The following DENND6B variants were observed in gnomAD, a reference collection of about 807,000 sequenced individuals.
The protein encoded by DENND6B is DENN domain containing 6B.
In DENND6B, 73 loss-of-function variants were observed where a neutral mutation model predicts 85.1. That is an observed-to-expected ratio of 0.86 (90% confidence interval 0.71 to 1.04). The LOEUF is 1.04. DENND6B is among the 50% of genes least tolerant of loss of function. DENND6B has a pLI of 0.00. For synonymous variants in DENND6B, 357 were observed against 329.3 expected (o/e 1.08, Z -0.91); for missense variants, 715 against 785.8 (o/e 0.91, Z 1.08).
Position 50,316,008 on chromosome 22 carries a change from T to G in DENND6B, c.702+17A>C. 6.2e-7 allele frequency: 1 copy of G among 1,612,494 alleles called. No individual in the cohort carries two copies. On this transcript the variant is annotated intron_variant, in intron 8 of 19. Transcript: ENST00000413817. ...GAAGCCCAGCTGTTTCAGCTCCACCTCCGCCTCAGCTCCCACCTCTTGGTC... is the reference window on the plus strand; with the variant it reads ...GAAGCCCAGCTGTTTCAGCTCCACCGCCGCCTCAGCTCCCACCTCTTGGTC...
chr22:50,316,886 T>A, intron 5 of DENND6B: 1 of 139,556 alleles, frequency 7.2e-6, no homozygotes, highest in Non-Finnish European at 1.1e-5. Flanking sequence ...CAGAAGGGCC[T>A]TGGGTCCCAT....
chr22:50,323,458 G>A (rs2042111881), intron 1 of DENND6B, among the ~76,000 whole-genome samples: 1 of 151,292 alleles, frequency 6.6e-6, no homozygotes, highest in African/African-American at 2.4e-5. Flanking sequence ...CTAATTTTTT[G>A]TATTTTTAGT....
At chr22:50,316,655 G>A in intron 5 of DENND6B, 180 bp from the exon 6 acceptor site, 1 of 1,517,626 alleles carries the variant, frequency 6.6e-7, no homozygotes. Context: ...TTATTAGACA[G>A]GAGAAAACCC....
intron 1 of DENND6B, 59 bp from the exon 2 acceptor site, chr22:50,319,062 G>A (rs367837705): frequency 1.5e-5 from 23 of 1,554,090 alleles, no homozygotes; most frequent in African/African-American, 1.1e-4. Context: ...GACACCCCTC[G>A]ACAGCATCTG....
chr22:50,319,879 G>A (rs1460669681), intron 1 of DENND6B, among the ~76,000 whole-genome samples: 1 of 152,288 alleles, frequency 6.6e-6, no homozygotes. Context: ...GACAGTGGAG[G>A]AGAGCATGAT....
At chr22:50,318,776 G>A in intron 3 of DENND6B, 71 bp downstream of exon 3, 1 of 1,589,560 alleles carries the variant, frequency 6.3e-7, no homozygotes, top group Non-Finnish European at 8.6e-7. Flanking sequence ...CAGCCATGAT[G>A]CCCCTGGCCC....
chr22:50,315,623 TACTCACAC>T (rs1569199996), intron 9 of DENND6B, 83 bp downstream of exon 9: 4 of 1,422,812 alleles, frequency 2.8e-6, no homozygotes, highest in Non-Finnish European at 2.9e-6. Context: ...CGCACACACA[TACTCACAC>T]ACAGATGCAC....
Position 50,317,946 on chromosome 22 carries a change from C to T in DENND6B, c.334G>A (p.Asp112Asn), listed in dbSNP as rs971572155. The T allele has an allele frequency of 4.3e-6, 7 of 1,611,416 alleles. No homozygotes were observed. Among genetic ancestry groups the T allele is most frequent in the South Asian group, 3.3e-5 (3 of 91,076 alleles). ...GGQRSPWHAD[D>N]RHYNSRAPVA... ...GGGGCCCTGCTGTTGTAGTGCCTGT[C>T]GTCGGCATGCCAGGGGCTCCTCTGC... Residue 112 changes from aspartate to asparagine, a missense_variant, in exon 4 of 20, where the codon GAC (aspartate) becomes AAC (asparagine). Transcript: ENST00000413817.
chr22:50,312,452 C>A, intron 18 of DENND6B, 35 bp from the exon 19 acceptor site: 1 of 1,595,726 alleles, frequency 6.3e-7, no homozygotes. Flanking sequence ...GTCAGCAAGG[C>A]CCCTCACTGC....
chr22:50,320,358 G>A (rs779108517), intron 1 of DENND6B, among the ~76,000 whole-genome samples: 10 of 152,236 alleles, frequency 6.6e-5, no homozygotes, highest in Non-Finnish European at 1.3e-4. Flanking sequence ...TGCTGGGAGT[G>A]CAGGCGTGAG....
At chr22:50,313,548 C>A in intron 15 of DENND6B, 49 bp from the exon 16 acceptor site, 4 of 1,457,966 alleles carry the variant, frequency 2.7e-6, no homozygotes, top group Middle Eastern at 2.5e-4. Flanking sequence ...TGCCCCCCAG[C>A]CCCATCCCCC....
intron 6 of DENND6B, 37 bp downstream of exon 6, chr22:50,316,333 G>A (rs1430323080): frequency 3.8e-5 from 59 of 1,562,680 alleles, no homozygotes; most frequent in Non-Finnish European, 4.8e-5. Context: ...CAGCTGGGAT[G>A]ATGAGACCAC....
Position 50,312,353 on chromosome 22 carries a change from C to G in DENND6B, c.1625G>C (p.Arg542Pro), listed in dbSNP as rs772899786. 1 of 1,611,512 alleles carries G rather than the reference C, an allele frequency of 6.2e-7. No individual in the cohort carries two copies. The highest frequency in any genetic ancestry group is 8.5e-7 in the Non-Finnish European group (1 of 1,179,352). Residue 542 changes from arginine to proline, a missense_variant, in exon 19 of 20, where the codon CGT (arginine) becomes CCT (proline). Transcript: ENST00000413817. ...VEVVDLVLKL[R>P]EKLVRAQGHQ... Reference sequence around the variant, plus strand: ...TGGGAGGCATCTTACCAGCTTCTCACGAAGTTTCAGGACCAGGTCCACGAC... The same window carrying G: ...TGGGAGGCATCTTACCAGCTTCTCAGGAAGTTTCAGGACCAGGTCCACGAC...
chr22:50,313,851 A>G lies in DENND6B; in HGVS notation c.1166T>C (p.Leu389Pro). The G allele has an allele frequency of 6.2e-7, 1 of 1,611,594 alleles. No homozygotes were observed. The highest frequency in any genetic ancestry group is 8.5e-7 in the Non-Finnish European group (1 of 1,179,608). Residue 389 changes from leucine (L) to proline (P), a missense_variant, in exon 14 of 20, where the codon CTC becomes CCC. By Grantham distance (98) the Leu-to-Pro change is moderately conservative. Transcript: ENST00000413817. ...PGLYTAYTAHLHRDKALLKRL... is the reference protein window; with the variant it reads ...PGLYTAYTAHPHRDKALLKRL... ...TTTGAGCAGCGCCTTGTCGCGGTGG[A>G]GGTGGGCCGTGTAAGCGGTGTAGAG...
At position 50,314,424 on chromosome 22, in the gene DENND6B, G is replaced by A. The variant is rs1193054872; in HGVS notation, c.1048C>T (p.Arg350Ter). The A allele has an allele frequency of 4.3e-5, 68 of 1,565,372 alleles. No individual in the cohort carries two copies. The highest frequency in any genetic ancestry group is 5.7e-5 in the Admixed American group (3 of 52,600). The change falls in exon 12 of 20, where the codon CGA (arginine) becomes TGA (stop). Residue 350 changes from arginine (R) to a stop codon, truncating the protein, a stop_gained. Coordinates refer to ENST00000413817, the MANE Select transcript of DENND6B (RefSeq NM_001001794.4). LOFTEE classifies it high-confidence loss of function. ...KTLQHWPHIL[R>*]VGEPKMSGDL... ...CCTGACATCTTGGGCTCCCCGACTC[G>A]GAGGATGTGGGGCCAGTGCTGGAGT...
Position 50,310,594 on chromosome 22 carries a change from T to C in DENND6B, c.*1545A>G, listed in dbSNP as rs2068046413. 1 of 152,224 alleles carries C rather than the reference T, an allele frequency of 6.6e-6. No homozygotes were observed. Among genetic ancestry groups the C allele is most frequent in the East Asian group, 1.9e-4 (1 of 5,170 alleles). 9.4% of individuals were successfully genotyped at this position (152,224 alleles called of 1,614,324 possible). A position where few individuals can be genotyped will look rare whatever the true frequency, so the allele number is the denominator to read the frequency against. ...AGAGCACCAATGAGAACACAAACAG[T>C]ACGTTGCGCTGAATGAAGGCTACAT... On this transcript the variant is annotated 3_prime_UTR_variant, in exon 20 of 20. Coordinates refer to ENST00000413817, the MANE Select transcript of DENND6B (RefSeq NM_001001794.4).
Position 50,313,634 on chromosome 22 carries a change from C to T in DENND6B, c.1293+1G>A. The T allele has an allele frequency of 6.3e-7, 1 of 1,577,934 alleles. No homozygotes were observed. Among genetic ancestry groups the T allele is most frequent in the Non-Finnish European group, 8.6e-7 (1 of 1,165,108 alleles). ...CCATGTCCCCCAGCCCCGGGCCTCACCAGGGGGATGATGAAGCTCTGGGTG... is the reference window on the plus strand; with the variant it reads ...CCATGTCCCCCAGCCCCGGGCCTCATCAGGGGGATGATGAAGCTCTGGGTG... On this transcript the variant is annotated splice_donor_variant, in intron 15 of 19. Coordinates refer to ENST00000413817, the MANE Select transcript of DENND6B (RefSeq NM_001001794.4). LOFTEE classifies it high-confidence loss of function.
chr22:50,311,172 A>C lies in DENND6B; in HGVS notation c.*967T>G, dbSNP rs978517817. ...TGCTGAGCAGGGCTTGGCTGTCCGG[A>C]GCCCTGACAGTACCGTCACTGTGTG... On this transcript the variant is annotated 3_prime_UTR_variant, in exon 20 of 20. Coordinates refer to ENST00000413817, the MANE Select transcript of DENND6B (RefSeq NM_001001794.4). The C allele has an allele frequency of 1.3e-5, 2 of 152,056 alleles. No individual in the cohort carries two copies. Among genetic ancestry groups the C allele is most frequent in the Non-Finnish European group, 2.9e-5 (2 of 68,068 alleles). The allele number at this position is 152,056 out of a possible 1,614,324, so 9.4% of individuals were successfully genotyped here.
At chr22:50,316,600 T>C in intron 5 of DENND6B, 125 bp from the exon 6 acceptor site, 3 of 1,539,412 alleles carry the variant, frequency 1.9e-6, no homozygotes, top group Non-Finnish European at 2.6e-6. Context: ...TCCCACCAAC[T>C]TCACAGGACA....
Sources: allele counts gnomAD v4.1 joint callset (sites outside exome capture counted in the v4.1 genomes callset), GRCh38; gene constraint gnomAD v4.1.1; transcripts MANE v1.5; gene names NCBI Gene and HGNC (gene_info 2026-07-23, HGNC 2026-07-21).